Variants in PACS1 observed in about 807,000 individuals in gnomAD.
PACS1 encodes the protein PACS-1.
A neutral mutation model predicts 115.0 loss-of-function variants in PACS1; 24 were observed. The observed-to-expected ratio is 0.21, with a 90% confidence interval of 0.15 to 0.29. PACS1 has a LOEUF of 0.29. PACS1 is among the 10% of genes least tolerant of loss of function. The pLI is 1.00. For missense variants in PACS1, 838 were observed against 1,251.2 expected, an observed-to-expected ratio of 0.67 and a Z score of 4.98; for synonymous variants, 453 against 504.5, an observed-to-expected ratio of 0.90 and a Z score of 1.37.
chr11:66,128,684 G>A (rs1237378672), intron 1 of PACS1, among the ~76,000 whole-genome samples: 1 of 151,874 alleles, frequency 6.6e-6, no homozygotes, highest in South Asian at 2.1e-4. Flanking sequence ...AGGAGTTCGA[G>A]ACCAGCCTGG....
At chr11:66,193,459 C>T (rs748275008) in intron 1 of PACS1, 27 bp from the exon 2 acceptor site, 2 of 1,515,470 alleles carry the variant, frequency 1.3e-6, no homozygotes. Flanking sequence ...TCGCATATGA[C>T]AGCATCTTCC....
At chr11:66,154,509 C>T (rs1341358007) in intron 1 of PACS1, among the ~76,000 whole-genome samples, 1 of 152,116 alleles carries the variant, frequency 6.6e-6, no homozygotes, top group Non-Finnish European at 1.5e-5. Context: ...GATCTCACTA[C>T]TGTAAGAATA....
chr11:66,106,000 C>T (rs1476301563), intron 1 of PACS1, among the ~76,000 whole-genome samples: 3 of 152,146 alleles, frequency 2.0e-5, no homozygotes, highest in Non-Finnish European at 4.4e-5. Context: ...TTTCTCAAAG[C>T]GTCATTCCTC....
At chr11:66,134,265 T>C (rs1270243742) in intron 1 of PACS1, among the ~76,000 whole-genome samples, 1 of 120,078 alleles carries the variant, frequency 8.3e-6, no homozygotes, top group South Asian at 3.1e-4. Flanking sequence ...TTTTTTTTTT[T>C]TTTTTTTTTT....
Position 66,235,354 on chromosome 11 carries a change from A to T in PACS1, c.2158A>T (p.Thr720Ser), listed in dbSNP as rs1364586901. The change falls in exon 18 of 24, where the codon ACA becomes TCA. Residue 720 changes from threonine (T) to serine (S), a missense_variant. Coordinates refer to ENST00000320580, the MANE Select transcript of PACS1 (RefSeq NM_018026.4). This position sits in a 1 kb window ranked among gnomAD's most constrained non-coding sequence, Gnocchi z 5.6. ...VMQYVNGAATTHQLPVAEAML... is the reference protein window; with the variant it reads ...VMQYVNGAATSHQLPVAEAML... ...GCAGTACGTCAACGGGGCAGCCACG[A>T]CACACCAGCTTCCCGTGGCCGAAGC... The T allele has an allele frequency of 6.2e-7, 1 of 1,614,114 alleles. No homozygotes were observed. Among genetic ancestry groups the T allele is most frequent in the Non-Finnish European group, 8.5e-7 (1 of 1,179,986 alleles).
At chr11:66,167,684 A>G (rs1369377187) in intron 1 of PACS1, among the ~76,000 whole-genome samples, 1 of 150,182 alleles carries the variant, frequency 6.7e-6, no homozygotes, top group Non-Finnish European at 1.5e-5. Flanking sequence ...TTTAAGCTAC[A>G]TGAAGACTAT....
At chr11:66,131,207 T>A (rs948621844) in intron 1 of PACS1, among the ~76,000 whole-genome samples, 3 of 152,258 alleles carry the variant, frequency 2.0e-5, no homozygotes, top group Non-Finnish European at 4.4e-5. Context: ...ATATTTAATT[T>A]CACTAAGTAA....
intron 10 of PACS1, 139 bp from the exon 11 acceptor site, chr11:66,227,365 C>T: frequency 8.4e-6 from 5 of 593,266 alleles, no homozygotes; most frequent in East Asian, 3.1e-5. Context: ...CTCCCCGGCC[C>T]ACATAAGAAA....
rs771060703 is a variant in PACS1, at chr11:66,153,450, G to A, written c.357-40036G>A. On this transcript the variant is annotated intron_variant, in intron 1 of 23. Coordinates refer to ENST00000320580, the MANE Select transcript of PACS1 (RefSeq NM_018026.4). The stretch of plus-strand genomic sequence containing the variant: ...GCTTGAGCCCAGAAGTTTGAGGCCA[G>A]CTTGGGCAACATGGTGAGACCTTTT... Among the ~76,000 whole-genome samples, 6 of 152,244 alleles carry A rather than the reference G, an allele frequency of 3.9e-5. No homozygotes were observed. The South Asian group carries it at 6.2e-4, about 16-fold the overall frequency.
At chr11:66,167,902 T>C (rs1163183188) in intron 1 of PACS1, among the ~76,000 whole-genome samples, 1 of 150,374 alleles carries the variant, frequency 6.7e-6, no homozygotes, top group Non-Finnish European at 1.5e-5. Context: ...TTCTTTACAG[T>C]AAATCTAGAT....
chr11:66,118,291 T>C (rs932232720), intron 1 of PACS1, among the ~76,000 whole-genome samples: 2 of 152,202 alleles, frequency 1.3e-5, no homozygotes, highest in African/African-American at 4.8e-5. Flanking sequence ...CTTGAGCTGC[T>C]ACCTAGTGTC....
intron 1 of PACS1, among the ~76,000 whole-genome samples, chr11:66,087,948 A>G (rs1025425777): frequency 3.3e-5 from 5 of 152,046 alleles, no homozygotes; most frequent in Non-Finnish European, 7.4e-5. Context: ...CTGGAGTAAA[A>G]TGATTTCTCC....
Position 66,236,110 on chromosome 11 carries a change from G to A in PACS1, c.2250+170G>A, listed in dbSNP as rs911959377. 1.2e-4 allele frequency among the ~76,000 whole-genome samples: 15 copies of A among 126,160 alleles called. No individual in the cohort carries two copies. Among genetic ancestry groups the A allele is most frequent in the Admixed American group, 3.1e-4 (4 of 13,098 alleles). The allele number at this position is 126,160 out of a possible 152,430, so 82.8% of individuals were successfully genotyped here. ...CTGGAGACGTGTTTGGTTGTTATAC[G>A]GGGGGTACCCAGTGGGTGGAGGCCA... is the stretch of plus-strand genomic sequence containing the variant. On this transcript the variant is annotated intron_variant, in intron 19 of 23. Coordinates refer to ENST00000320580, the MANE Select transcript of PACS1 (RefSeq NM_018026.4). The surrounding 1 kb of genome is among the most constrained non-coding windows in gnomAD (Gnocchi z 4.2).
intron 19 of PACS1, chr11:66,238,213 A>C: frequency 1.0e-6 from 1 of 985,294 alleles, no homozygotes; most frequent in Non-Finnish European, 1.2e-6. Flanking sequence ...AAGACCAGAG[A>C]GGAGAAGGCT....
chr11:66,105,110 G>A (rs1858005060), intron 1 of PACS1, among the ~76,000 whole-genome samples: 1 of 152,124 alleles, frequency 6.6e-6, no homozygotes, highest in African/African-American at 2.4e-5. Context: ...GTACAATGGA[G>A]TATTAAGCAG....
intron 1 of PACS1, among the ~76,000 whole-genome samples, chr11:66,144,914 T>C (rs1859085416): frequency 6.6e-6 from 1 of 152,244 alleles, no homozygotes; most frequent in African/African-American, 2.4e-5. Context: ...GGATCACAGA[T>C]GTGAGCCATC....
chr11:66,224,195 CAAAAAA>C (rs71036281), intron 10 of PACS1, among the ~76,000 whole-genome samples: 1 of 81,348 alleles, frequency 1.2e-5, no homozygotes, highest in Admixed American at 1.5e-4. Context: ...GACTCCATCT[CAAAAAA>C]AAAAAAAAAA....
intron 1 of PACS1, among the ~76,000 whole-genome samples, chr11:66,079,964 T>TC (rs1187467373): frequency 3.3e-5 from 5 of 152,218 alleles, no homozygotes; most frequent in Non-Finnish European, 7.3e-5. Context: ...TGAGACTAGC[T>TC]CCTGGGTATC....
At chr11:66,071,285 A>G (rs1156569567) in intron 1 of PACS1, among the ~76,000 whole-genome samples, 1 of 152,206 alleles carries the variant, frequency 6.6e-6, no homozygotes. Context: ...TAAAGCTCAT[A>G]TAATCACCCT....
Sources: gnomAD v4.1 joint callset for allele counts (sites outside exome capture counted in the v4.1 genomes callset) on GRCh38, gnomAD v4.1.1 for gene constraint, Gnocchi (gnomAD v3.1) non-coding constraint, MANE v1.5 for transcripts, NCBI Gene and HGNC (gene_info 2026-07-23, HGNC 2026-07-21) for gene names.